The following ADAMTS17 variants were observed in gnomAD, a reference collection of about 807,000 sequenced individuals.
The protein encoded by ADAMTS17 is A disintegrin and metalloproteinase with thrombospondin motifs 17.
ADAMTS17 carries 113 observed loss-of-function variants against 141.5 expected under a neutral mutation model. The observed-to-expected ratio is 0.80, with a 90% confidence interval of 0.69 to 0.93. The LOEUF (loss-of-function observed/expected upper bound fraction) is 0.93, where lower values mean the gene tolerates loss of function less well. Ranked by LOEUF, ADAMTS17 falls within the 40% of genes least tolerant of loss-of-function variation. The pLI is 0.00. For missense variants in ADAMTS17, 1,659 were observed against 1,517.9 expected (o/e 1.09, Z -1.54); for synonymous variants, 768 against 630.6 (o/e 1.22, Z -3.27).
At chr15:100,180,348 G>C (rs151276727) in intron 8 of ADAMTS17, among the ~76,000 whole-genome samples, 3 of 152,006 alleles carry the variant, frequency 2.0e-5, no homozygotes, top group African/African-American at 4.8e-5. Context: ...TTTGTTTCTG[G>C]GTTCTCCATT....
intron 3 of ADAMTS17, among the ~76,000 whole-genome samples, chr15:100,293,048 C>T (rs1270998296): frequency 6.6e-6 from 1 of 152,152 alleles, no homozygotes; most frequent in Non-Finnish European, 1.5e-5. Flanking sequence ...TAGGAACCTT[C>T]GAAAATGCCA....
intron 18 of ADAMTS17, among the ~76,000 whole-genome samples, chr15:100,032,717 G>A (rs1384393109): frequency 6.6e-6 from 1 of 152,226 alleles, no homozygotes; most frequent in Non-Finnish European, 1.5e-5. Flanking sequence ...CAGAAAGTAT[G>A]TAAGATTTAA....
chr15:100,034,918 A>G (rs1040905145), intron 18 of ADAMTS17, among the ~76,000 whole-genome samples: 4 of 152,162 alleles, frequency 2.6e-5, no homozygotes, highest in Non-Finnish European at 5.9e-5. Flanking sequence ...GTTTCATTCT[A>G]TTCTTTCCTT....
At chr15:100,085,022 G>A (rs999257784) in intron 15 of ADAMTS17, among the ~76,000 whole-genome samples, 4 of 152,156 alleles carry the variant, frequency 2.6e-5, no homozygotes, top group Non-Finnish European at 4.4e-5. Flanking sequence ...ACAGAAGAAG[G>A]CTTCAAAAGA....
chr15:100,251,975 C>T (rs2043169771), intron 7 of ADAMTS17, among the ~76,000 whole-genome samples: 1 of 152,186 alleles, frequency 6.6e-6, no homozygotes. Flanking sequence ...TGTGAGACAA[C>T]ACATTTCTGT....
At chr15:100,274,722 T>C (rs58989692) in intron 4 of ADAMTS17, among the ~76,000 whole-genome samples, 14,991 of 152,268 alleles carry the variant, frequency 0.098, 750 homozygotes, top group East Asian at 0.11. Flanking sequence ...TTGTTTCCTA[T>C]ATGGCTTGTA....
At chr15:100,015,912 T>C (rs976534275) in intron 18 of ADAMTS17, among the ~76,000 whole-genome samples, 13 of 152,224 alleles carry the variant, frequency 8.5e-5, no homozygotes, top group African/African-American at 3.1e-4. Context: ...GATGTCTAGG[T>C]CTCTAGCAAG....
At chr15:99,983,616 A>T (rs2060524704) in intron 20 of ADAMTS17, among the ~76,000 whole-genome samples, 1 of 152,120 alleles carries the variant, frequency 6.6e-6, no homozygotes, top group East Asian at 1.9e-4. Context: ...AGGAATGTCA[A>T]CTATACACGC....
chr15:100,158,716 T>C (rs1395939364), intron 8 of ADAMTS17, among the ~76,000 whole-genome samples: 1 of 152,238 alleles, frequency 6.6e-6, no homozygotes, highest in Non-Finnish European at 1.5e-5. Flanking sequence ...TTATTTCATT[T>C]AGCATAAAGT....
chr15:100,081,489 A>C (rs1039527266), intron 15 of ADAMTS17, among the ~76,000 whole-genome samples: 1 of 152,192 alleles, frequency 6.6e-6, no homozygotes, highest in Admixed American at 6.5e-5. Context: ...CACACTTTAA[A>C]TGGGTGAATT....
In ADAMTS17 at chr15:100,115,293, C is replaced by T. The variant is rs376513783; in HGVS notation, c.1888+1554G>A. ...AGGCAAAGGCCGGTGTGCAACTGCA[C>T]GGCTCCAGCCGCACACGTTCCTTCT... is the stretch of plus-strand genomic sequence containing the variant. On this transcript the variant is annotated intron_variant, in intron 13 of 21. Transcript: ENST00000268070. 2.0e-4 allele frequency among the ~76,000 whole-genome samples: 31 copies of T among 152,312 alleles called. 2 individuals are homozygous for T. In the South Asian group the frequency reaches 4.1e-3, roughly 20 times the overall value.
At position 100,074,120 on chromosome 15, in the gene ADAMTS17, C is replaced by T. The variant is rs1035994461; in HGVS notation, c.2138-20066G>A. On this transcript the variant is annotated intron_variant, in intron 15 of 21. Transcript: ENST00000268070. ...TATTTCTCACCCATCCAAGTACTAA[C>T]CAGACCTGACCTTGCTTAGCTTCTG... 9.8e-5 allele frequency: 15 copies of T among 153,170 alleles called. No individual in the cohort carries two copies. In the East Asian group the frequency reaches 2.9e-3, roughly 30 times the overall value. The allele number at this position is 153,170 out of a possible 1,614,324, so 9.5% of individuals were successfully genotyped here. A position where few individuals can be genotyped will look rare whatever the true frequency, so the allele number is the denominator to read the frequency against.
chr15:100,265,433 C>T lies in ADAMTS17; in HGVS notation c.790-2998G>A, dbSNP rs574142549. Among the ~76,000 whole-genome samples, 15 of 152,344 alleles carry T rather than the reference C, an allele frequency of 9.8e-5. No individual in the cohort carries two copies. The South Asian group carries it at 1.7e-3, about 17-fold the overall frequency. ...AAGCGTCTGGAAATTCCGTCTCCGG[C>T]GTCCAGCTCTGGCGGCATCCCAGCA... On this transcript the variant is annotated intron_variant, in intron 4 of 21. Transcript: ENST00000268070.
Position 100,105,894 on chromosome 15 carries a change from T to C in ADAMTS17, c.2016+3095A>G, listed in dbSNP as rs2141075554. 1.3e-5 allele frequency among the ~76,000 whole-genome samples: 2 copies of C among 152,312 alleles called. 1 individual carries two copies. Among genetic ancestry groups the C allele is most frequent in the South Asian group, 4.1e-4 (2 of 4,822 alleles). ...TAGTACAGATGGAGTTTCACCATGT[T>C]AGCTGGGCTGGTCCTGGAACTCCTG... On this transcript the variant is annotated intron_variant, in intron 14 of 21. Transcript: ENST00000268070.
At chr15:100,127,609 T>A (rs2037811012) in intron 12 of ADAMTS17, among the ~76,000 whole-genome samples, 1 of 152,096 alleles carries the variant, frequency 6.6e-6, no homozygotes, top group Admixed American at 6.5e-5. Flanking sequence ...TGAGATGGAG[T>A]CCCACTCTGT....
chr15:100,240,982 A>G (rs2042811475), intron 7 of ADAMTS17, among the ~76,000 whole-genome samples: 1 of 152,074 alleles, frequency 6.6e-6, no homozygotes, highest in Non-Finnish European at 1.5e-5. Flanking sequence ...CCCGCCACCA[A>G]GCCCACCTAT....
At chr15:100,023,580 A>G (rs890994845) in intron 18 of ADAMTS17, among the ~76,000 whole-genome samples, 31 of 152,228 alleles carry the variant, frequency 2.0e-4, no homozygotes, top group African/African-American at 5.3e-4. Flanking sequence ...GGCCACTCAG[A>G]GTCCAGATTT....
chr15:100,057,418 G>A (rs1400455518), intron 15 of ADAMTS17, among the ~76,000 whole-genome samples: 4 of 152,098 alleles, frequency 2.6e-5, no homozygotes, highest in Non-Finnish European at 4.4e-5. Context: ...AAAGACCAGA[G>A]GGAAGCCAGG....
chr15:100,297,573 C>T (rs1265380592), intron 3 of ADAMTS17, among the ~76,000 whole-genome samples: 1 of 152,180 alleles, frequency 6.6e-6, no homozygotes, highest in African/African-American at 2.4e-5. Flanking sequence ...TAATTCCTCA[C>T]TGACCTGGAT....
Sources: allele counts gnomAD v4.1 joint callset (sites outside exome capture counted in the v4.1 genomes callset), GRCh38; gene constraint gnomAD v4.1.1; transcripts MANE v1.5; gene names NCBI Gene and HGNC (gene_info 2026-07-23, HGNC 2026-07-21).